CDIN1: variants seen among roughly 807,000 people sequenced by gnomAD.
The protein encoded by CDIN1 is CDAN1-interacting nuclease 1.
In CDIN1, 33 loss-of-function variants were observed where a neutral mutation model predicts 45.3. That is an observed-to-expected ratio of 0.73 (90% CI 0.55 to 0.97). CDIN1 has a LOEUF of 0.97. CDIN1 is among the 50% of genes least tolerant of loss of function. The pLI is 0.00. For synonymous variants in CDIN1, 118 were observed against 124.4 expected, an observed-to-expected ratio of 0.95 and a Z score of 0.34; for missense variants, 303 against 339.4, an observed-to-expected ratio of 0.89 and a Z score of 0.84.
At chr15:36,806,788 T>C (rs892096445) in intron 10 of CDIN1, among the ~76,000 whole-genome samples, 9 of 152,200 alleles carry the variant, frequency 5.9e-5, no homozygotes, top group African/African-American at 2.2e-4. Flanking sequence ...TGATTAAAAG[T>C]TACTAAGAAA....
At chr15:36,713,810 C>G (rs1432977309) in intron 10 of CDIN1, among the ~76,000 whole-genome samples, 1 of 152,190 alleles carries the variant, frequency 6.6e-6, no homozygotes, top group African/African-American at 2.4e-5. Flanking sequence ...TTTGAGAAAC[C>G]TTCCTGCCTT....
intron 1 of CDIN1, among the ~76,000 whole-genome samples, chr15:36,591,125 G>C (rs1318010969): frequency 1.3e-5 from 2 of 152,148 alleles, no homozygotes; most frequent in East Asian, 3.8e-4. Flanking sequence ...TGATGACGTG[G>C]TTCTATAGGG....
intron 10 of CDIN1, among the ~76,000 whole-genome samples, chr15:36,758,817 A>G (rs2053679344): frequency 6.6e-6 from 1 of 152,202 alleles, no homozygotes; most frequent in Non-Finnish European, 1.5e-5. Context: ...AACATAATAC[A>G]GTATAATATC....
intron 5 of CDIN1, among the ~76,000 whole-genome samples, chr15:36,690,076 T>C (rs997132168): frequency 3.9e-5 from 6 of 152,146 alleles, no homozygotes; most frequent in Non-Finnish European, 8.8e-5. Flanking sequence ...CCATATGACC[T>C]TTTCACTTGC....
intron 8 of CDIN1, among the ~76,000 whole-genome samples, chr15:36,703,800 G>A (rs1208601150): frequency 1.3e-5 from 2 of 151,970 alleles, no homozygotes; most frequent in East Asian, 1.9e-4. Flanking sequence ...AGATTGGTTC[G>A]GCGACACATG....
chr15:36,734,763 T>A (rs1031469739), intron 10 of CDIN1, among the ~76,000 whole-genome samples: 1 of 152,344 alleles, frequency 6.6e-6, no homozygotes, highest in East Asian at 1.9e-4. Flanking sequence ...AATTACTCTT[T>A]CATTGAGAAT....
At chr15:36,718,812 C>CTT (rs3045909) in intron 10 of CDIN1, among the ~76,000 whole-genome samples, 172 of 96,546 alleles carry the variant, frequency 1.8e-3, no homozygotes, top group Non-Finnish European at 1.8e-3. Context: ...AATTTGTATG[C>CTT]TTTTTTTTTT....
chr15:36,791,369 A>T (rs1266307172), intron 10 of CDIN1, among the ~76,000 whole-genome samples: 3 of 152,202 alleles, frequency 2.0e-5, no homozygotes, highest in African/African-American at 7.2e-5. Context: ...AGCACAAACT[A>T]TCTAGTGGAG....
chr15:36,779,297 G>A (rs775043839), intron 10 of CDIN1, among the ~76,000 whole-genome samples: 2 of 152,066 alleles, frequency 1.3e-5, no homozygotes, highest in Admixed American at 6.6e-5. Context: ...GCTCTAGCTC[G>A]CACAGTTTTC....
At chr15:36,606,242 A>G (rs1014002424) in intron 1 of CDIN1, among the ~76,000 whole-genome samples, 1 of 152,042 alleles carries the variant, frequency 6.6e-6, no homozygotes, top group African/African-American at 2.4e-5. Flanking sequence ...GTTTTGATTC[A>G]TTATTTTAGA....
intron 10 of CDIN1, among the ~76,000 whole-genome samples, chr15:36,776,128 T>C (rs2054211381): frequency 6.6e-6 from 1 of 152,268 alleles, no homozygotes; most frequent in Non-Finnish European, 1.5e-5. Flanking sequence ...ACAAGACAAA[T>C]TGAATAATAC....
chr15:36,675,590 T>A (rs2041621084), intron 5 of CDIN1, among the ~76,000 whole-genome samples: 1 of 152,322 alleles, frequency 6.6e-6, no homozygotes, highest in Non-Finnish European at 1.5e-5. Context: ...CTCAGCGGCC[T>A]TGCTGAAAGA....
At chr15:36,783,542 C>G (rs1322711916) in intron 10 of CDIN1, among the ~76,000 whole-genome samples, 1 of 152,036 alleles carries the variant, frequency 6.6e-6, no homozygotes, top group Non-Finnish European at 1.5e-5. Flanking sequence ...TTTAGGAAAT[C>G]CCAGTGTTCA....
chr15:36,659,397 T>G (rs946655298), intron 5 of CDIN1, among the ~76,000 whole-genome samples: 9 of 152,166 alleles, frequency 5.9e-5, no homozygotes, highest in Non-Finnish European at 1.3e-4. Context: ...TAGGATTAAA[T>G]GTCTTGCATG....
At chr15:36,646,535 T>C (rs1348709289) in intron 3 of CDIN1, among the ~76,000 whole-genome samples, 1 of 152,120 alleles carries the variant, frequency 6.6e-6, no homozygotes, top group Non-Finnish European at 1.5e-5. Context: ...CTTGGTGAAA[T>C]TGACATTCAA....
intron 1 of CDIN1, among the ~76,000 whole-genome samples, chr15:36,630,362 A>G (rs73379880): frequency 0.037 from 5,559 of 152,292 alleles, 326 homozygotes; most frequent in African/African-American, 0.13. Flanking sequence ...AAATTTAACA[A>G]ATTTAACTCT....
intron 8 of CDIN1, among the ~76,000 whole-genome samples, chr15:36,703,971 C>T (rs912030727): frequency 6.6e-6 from 1 of 152,136 alleles, no homozygotes. Context: ...GTCCTTTGGC[C>T]TTGCATCACA....
chr15:36,617,958 A>G (rs190283644), intron 1 of CDIN1: 22 of 764,566 alleles, frequency 2.9e-5, no homozygotes, highest in Middle Eastern at 2.4e-4. Flanking sequence ...TCTAGTATCT[A>G]TAGTCAGCCC....
intron 5 of CDIN1, among the ~76,000 whole-genome samples, chr15:36,680,721 A>G (rs1429297226): frequency 3.9e-5 from 6 of 152,102 alleles, no homozygotes; most frequent in Non-Finnish European, 5.9e-5. Context: ...GAAAAACTCT[A>G]CTTTCTTGGA....
Sources: allele counts gnomAD v4.1 joint callset (sites outside exome capture counted in the v4.1 genomes callset), GRCh38; gene constraint gnomAD v4.1.1; transcripts MANE v1.5; gene names NCBI Gene and HGNC (gene_info 2026-07-23, HGNC 2026-07-21).